The following ATG7 variants were observed in gnomAD, a reference collection of about 807,000 sequenced individuals.
The protein encoded by ATG7 is ubiquitin-like modifier-activating enzyme ATG7.
In ATG7, 70 loss-of-function variants were observed where a neutral mutation model predicts 82.4. That is an observed-to-expected ratio of 0.85 (90% CI 0.70 to 1.04). The LOEUF is 1.04. ATG7 is among the 50% of genes least tolerant of loss of function. ATG7 has a pLI of 0.00. For synonymous variants in ATG7, 287 were observed against 313.0 expected (o/e 0.92, Z 0.88); for missense variants, 792 against 864.3 (o/e 0.92, Z 1.05).
chr3:11,559,599 T>C (rs190385296), downstream of ATG7: 615 of 1,286,806 alleles, frequency 4.8e-4, 4 homozygotes, highest in East Asian at 0.014. Context: ...ACTGGAGTCC[T>C]GTTGCTAAAC....
intron 19 of ATG7, among the ~76,000 whole-genome samples, chr3:11,406,875 A>C (rs552948109): frequency 6.6e-6 from 1 of 152,318 alleles, no homozygotes; most frequent in South Asian, 2.1e-4. Context: ...ACATATGGGA[A>C]TTATGGGAGC....
chr3:11,332,908 G>A, intron 10 of ATG7, 64 bp from the exon 11 acceptor site: 1 of 1,372,440 alleles, frequency 7.3e-7, no homozygotes, highest in Non-Finnish European at 9.5e-7. Flanking sequence ...TCTTATGTGA[G>A]CTTTTTCTTT....
At chr3:11,526,573 G>C (rs1210599570) in intron 20 of ATG7, among the ~76,000 whole-genome samples, 1 of 152,152 alleles carries the variant, frequency 6.6e-6, no homozygotes. Context: ...CAAAACTATT[G>C]ATTTTTGTAT....
At chr3:11,558,656 C>T (rs531116584), downstream of ATG7, 21 of 1,612,558 alleles carry the variant, frequency 1.3e-5, no homozygotes, top group South Asian at 2.1e-4. Flanking sequence ...GCTGGATGCT[C>T]CGTCCTTGGC....
intron 20 of ATG7, among the ~76,000 whole-genome samples, chr3:11,446,021 T>A (rs758893225): frequency 2.0e-5 from 3 of 152,110 alleles, no homozygotes; most frequent in African/African-American, 4.8e-5. Context: ...CACAGTAGGA[T>A]GACCTAGTTA....
chr3:11,514,030 CA>C (rs1427350958), intron 20 of ATG7, among the ~76,000 whole-genome samples: 41 of 152,278 alleles, frequency 2.7e-4, no homozygotes, highest in African/African-American at 8.4e-4. Context: ...GCCACTATGC[CA>C]AGCTAATTTT....
At chr3:11,474,036 G>A (rs976147128) in intron 20 of ATG7, among the ~76,000 whole-genome samples, 8 of 152,224 alleles carry the variant, frequency 5.3e-5, no homozygotes, top group Non-Finnish European at 8.8e-5. Context: ...GTTAATCTGT[G>A]CCCAGGTTAT....
chr3:11,552,633 T>C (rs2071917650), intron 20 of ATG7, among the ~76,000 whole-genome samples: 1 of 152,154 alleles, frequency 6.6e-6, no homozygotes, highest in African/African-American at 2.4e-5. Context: ...GCCCCAGAGA[T>C]TCGCTCTGGA....
intron 19 of ATG7, among the ~76,000 whole-genome samples, chr3:11,402,988 T>C (rs79785454): frequency 6.6e-6 from 1 of 152,312 alleles, no homozygotes; most frequent in East Asian, 1.9e-4. Context: ...AGGAATCTAT[T>C]CTCTTAAATG....
At chr3:11,496,434 C>T (rs1348098354) in intron 20 of ATG7, among the ~76,000 whole-genome samples, 3 of 152,194 alleles carry the variant, frequency 2.0e-5, no homozygotes, top group African/African-American at 7.2e-5. Flanking sequence ...TACTCTCCCT[C>T]CTCCCCTACT....
At chr3:11,518,783 G>A (rs577536754) in intron 20 of ATG7, among the ~76,000 whole-genome samples, 3 of 152,270 alleles carry the variant, frequency 2.0e-5, no homozygotes, top group African/African-American at 7.2e-5. Context: ...CTGAAAAGCA[G>A]TGTACTTTTA....
At position 11,416,075 on chromosome 3, in the gene ATG7, T is replaced by C. The variant is rs183188492; in HGVS notation, c.1957-10729T>C. Among the ~76,000 whole-genome samples the C allele has an allele frequency of 3.7e-3, 570 of 152,350 alleles. 19 individuals are homozygous for C. The highest frequency in any genetic ancestry group is 0.034 in the Admixed American group (525 of 15,304). ...ATATGCAGTTCCTCCTTGACTGAAA[T>C]GTCATGTGGTGCATTACTGTATCAT... On this transcript the variant is annotated intron_variant, in intron 19 of 20. Transcript: ENST00000693202.
chr3:11,521,883 T>G (rs577787549), intron 20 of ATG7, among the ~76,000 whole-genome samples: 1 of 152,278 alleles, frequency 6.6e-6, no homozygotes, highest in African/African-American at 2.4e-5. Context: ...GGAATTTTCC[T>G]GACATGGAAT....
chr3:11,491,452 G>A (rs1334332692), intron 20 of ATG7, among the ~76,000 whole-genome samples: 1 of 152,172 alleles, frequency 6.6e-6, no homozygotes, highest in Non-Finnish European at 1.5e-5. Context: ...TTGATCGTCA[G>A]AAGCCTTCTT....
intron 18 of ATG7, among the ~76,000 whole-genome samples, chr3:11,378,816 CAAAAG>C (rs1483674119): frequency 6.6e-6 from 1 of 150,814 alleles, no homozygotes; most frequent in Admixed American, 6.6e-5. Context: ...ATCCAAAACT[CAAAAG>C]AAGCCTTTTT....
intron 19 of ATG7, among the ~76,000 whole-genome samples, chr3:11,409,223 C>T (rs1189367441): frequency 6.6e-6 from 1 of 152,078 alleles, no homozygotes; most frequent in Non-Finnish European, 1.5e-5. Flanking sequence ...TTCAATTTAC[C>T]ATGGTGTGAG....
At chr3:11,514,029 C>A (rs921093918) in intron 20 of ATG7, among the ~76,000 whole-genome samples, 1 of 152,154 alleles carries the variant, frequency 6.6e-6, no homozygotes, top group Non-Finnish European at 1.5e-5. Context: ...TGCCACTATG[C>A]CAAGCTAATT....
chr3:11,449,634 C>T (rs1299000772), intron 20 of ATG7, among the ~76,000 whole-genome samples: 2 of 152,176 alleles, frequency 1.3e-5, no homozygotes, highest in Non-Finnish European at 2.9e-5. Context: ...ATCAGATGAA[C>T]GCTTGGCATA....
chr3:11,358,942 A>G (rs901189340), intron 15 of ATG7, among the ~76,000 whole-genome samples: 3 of 152,248 alleles, frequency 2.0e-5, no homozygotes, highest in Non-Finnish European at 2.9e-5. Flanking sequence ...TCAAGGGGCA[A>G]CAATGTTGAA....
Sources: allele counts gnomAD v4.1 joint callset (sites outside exome capture counted in the v4.1 genomes callset), GRCh38; gene constraint gnomAD v4.1.1; transcripts MANE v1.5; gene names NCBI Gene and HGNC (gene_info 2026-07-23, HGNC 2026-07-21).